Variants in AIF1L observed in about 807,000 individuals in gnomAD.
AIF1L encodes the protein allograft inflammatory factor 1-like.
AIF1L carries 12 observed loss-of-function variants against 20.7 expected under a neutral mutation model. That is an observed-to-expected ratio of 0.58 (90% CI 0.37 to 0.94). AIF1L has a LOEUF of 0.94. AIF1L is among the 40% of genes least tolerant of loss of function. The pLI, the probability that AIF1L is intolerant of heterozygous loss-of-function variation, is 0.01. For missense variants in AIF1L, 173 were observed against 185.3 expected, an observed-to-expected ratio of 0.93 and a Z score of 0.39; for synonymous variants, 76 against 65.1, an observed-to-expected ratio of 1.17 and a Z score of -0.81.
chr9:131,104,272 G>A (rs941910682), intron 2 of AIF1L, among the ~76,000 whole-genome samples: 34 of 152,288 alleles, frequency 2.2e-4, no homozygotes, highest in African/African-American at 6.0e-4. Context: ...TCTACTTTCT[G>A]CAGCCGGGAA....
chr9:131,098,352 C>G (rs1830568448), intron 2 of AIF1L: 1 of 152,498 alleles, frequency 6.6e-6, no homozygotes, highest in Admixed American at 6.6e-5. Context: ...CTGGGGTGCT[C>G]AGGGGTCTCG....
chr9:131,104,867 C>T (rs1830710789), intron 2 of AIF1L, among the ~76,000 whole-genome samples: 1 of 148,204 alleles, frequency 6.7e-6, no homozygotes, highest in East Asian at 2.0e-4. Context: ...CACTGCACTC[C>T]AGCCTGGGCA....
chr9:131,117,677 C>G (rs1019808887), intron 4 of AIF1L, 79 bp from the exon 5 acceptor site: 1 of 1,468,914 alleles, frequency 6.8e-7, no homozygotes, highest in Non-Finnish European at 9.1e-7. Context: ...CGTGGGGTGC[C>G]TGAGTGGAGC....
In AIF1L at chr9:131,121,953, T is replaced by C. The variant is rs935358082; in HGVS notation, c.*1631T>C. ...GACTGAGACAGTTATTCACTGAACA[T>C]ATTTATTAAGCACTTGCTGTAGGCC... On this transcript the variant is annotated 3_prime_UTR_variant, in exon 6 of 6. Coordinates refer to ENST00000247291, the MANE Select transcript of AIF1L (RefSeq NM_031426.4). 6.6e-6 allele frequency: 1 copy of C among 152,258 alleles called. No individual in the cohort carries two copies. The highest frequency in any genetic ancestry group is 6.5e-5 in the Admixed American group (1 of 15,288). 9.4% of individuals were successfully genotyped at this position (152,258 alleles called of 1,614,324 possible).
At chr9:131,102,554 G>C (rs1256875313) in intron 2 of AIF1L, among the ~76,000 whole-genome samples, 1 of 152,218 alleles carries the variant, frequency 6.6e-6, no homozygotes, top group African/African-American at 2.4e-5. Flanking sequence ...TATGACCTTG[G>C]TGTGGCCGTG....
At chr9:131,104,331 A>C (rs902280499) in intron 2 of AIF1L, among the ~76,000 whole-genome samples, 3 of 152,156 alleles carry the variant, frequency 2.0e-5, no homozygotes, top group Admixed American at 2.0e-4. Flanking sequence ...AGGATAGGGG[A>C]TAGAATAAAC....
chr9:131,118,606 A>G (rs1273784823), intron 5 of AIF1L, among the ~76,000 whole-genome samples: 3 of 146,048 alleles, frequency 2.1e-5, no homozygotes, highest in Non-Finnish European at 4.5e-5. Context: ...GAGTGCAGTG[A>G]CATGATCTCA....
chr9:131,117,628 T>C, intron 4 of AIF1L, 128 bp from the exon 5 acceptor site: 1 of 964,758 alleles, frequency 1.0e-6, no homozygotes, highest in Non-Finnish European at 1.5e-6. Flanking sequence ...GATGGGCTCC[T>C]CCTCCCTAGA....
intron 5 of AIF1L, among the ~76,000 whole-genome samples, chr9:131,120,016 C>T (rs1831101901): frequency 6.6e-6 from 1 of 152,138 alleles, no homozygotes; most frequent in African/African-American, 2.4e-5. Context: ...GGAGTCATAT[C>T]ACCACTTTGC....
In AIF1L at chr9:131,110,678, A is replaced by G. The variant is rs192328348; in HGVS notation, c.94-919A>G. On this transcript the variant is annotated intron_variant, in intron 2 of 5. Coordinates refer to ENST00000247291, the MANE Select transcript of AIF1L (RefSeq NM_031426.4). ...ACCTCTATGCCCAACTAATTTTTGT[A>G]TTTTTATAGAGACGGGGTTTCACTA... Among the ~76,000 whole-genome samples, 46 of 151,198 alleles carry G rather than the reference A, an allele frequency of 3.0e-4. No homozygotes were observed. The East Asian group carries it at 8.4e-3, about 27-fold the overall frequency.
chr9:131,103,685 T>A (rs977671437), intron 2 of AIF1L, among the ~76,000 whole-genome samples: 2 of 152,100 alleles, frequency 1.3e-5, no homozygotes, highest in Admixed American at 1.3e-4. Flanking sequence ...TTACAGCAAC[T>A]CAGTGAGGAG....
chr9:131,111,559 C>G (rs765755537), intron 2 of AIF1L, 38 bp from the exon 3 acceptor site: 3 of 1,596,688 alleles, frequency 1.9e-6, no homozygotes, highest in East Asian at 4.5e-5. Context: ...ACTTCTGTCC[C>G]CAGTCCCTTG....
intron 2 of AIF1L, among the ~76,000 whole-genome samples, chr9:131,110,973 C>G (rs914914937): frequency 4.6e-5 from 7 of 151,022 alleles, no homozygotes; most frequent in African/African-American, 1.7e-4. Context: ...GTCAGGAGTT[C>G]GAGACCAGCC....
In AIF1L at chr9:131,100,903, T is replaced by A. The variant is rs946851886; in HGVS notation, c.93+4040T>A. Among the ~76,000 whole-genome samples the A allele has an allele frequency of 2.2e-4, 34 of 152,138 alleles. 1 individual carries two copies. The highest frequency in any genetic ancestry group is 2.2e-3 in the Admixed American group (33 of 15,268). On this transcript the variant is annotated intron_variant, in intron 2 of 5. Coordinates refer to ENST00000247291, the MANE Select transcript of AIF1L (RefSeq NM_031426.4). ...GCTAGCAAGTGAGGTCTTTTTTCTT[T>A]CTTTCTTTTTTTGAGACGGCGTCTC...
chr9:131,099,500 C>T (rs1830593572), intron 2 of AIF1L, among the ~76,000 whole-genome samples: 1 of 152,304 alleles, frequency 6.6e-6, no homozygotes, highest in East Asian at 1.9e-4. Flanking sequence ...GCTTCACTGC[C>T]CCACTGGAGT....
Position 131,121,169 on chromosome 9 carries a change from C to A in AIF1L, c.*847C>A. 1 of 708,318 alleles carries A rather than the reference C, an allele frequency of 1.4e-6. No individual in the cohort carries two copies. The highest frequency in any genetic ancestry group is 2.6e-6 in the Non-Finnish European group (1 of 380,440). The allele number at this position is 708,318 out of a possible 1,614,324, so 43.9% of individuals were successfully genotyped here. The stretch of plus-strand genomic sequence containing the variant: ...AGGAGTAAAATGCTCACGGCAAAGT[C>A]AGCAGCACTGGTAAGCCAAGACTGA... On this transcript the variant is annotated 3_prime_UTR_variant, in exon 6 of 6. Transcript: ENST00000247291.
chr9:131,108,205 T>C (rs1247923411), intron 2 of AIF1L: 1 of 145,984 alleles, frequency 6.9e-6, no homozygotes, highest in Non-Finnish European at 1.5e-5. Context: ...TGAACCTTTT[T>C]TTTTTTTTTT....
intron 3 of AIF1L, 140 bp from the exon 4 acceptor site, chr9:131,114,437 C>G: frequency 2.3e-6 from 2 of 881,392 alleles, no homozygotes; most frequent in Admixed American, 3.7e-5. Context: ...ATGGGGGACT[C>G]AGGTCAAGAC....
chr9:131,102,402 G>T (rs1830659519), intron 2 of AIF1L, among the ~76,000 whole-genome samples: 1 of 152,172 alleles, frequency 6.6e-6, no homozygotes, highest in Non-Finnish European at 1.5e-5. Flanking sequence ...GTGCCACTCT[G>T]TCCCTGCCCA....
Sources: gnomAD v4.1 joint callset for allele counts (sites outside exome capture counted in the v4.1 genomes callset) on GRCh38, gnomAD v4.1.1 for gene constraint, MANE v1.5 for transcripts, NCBI Gene and HGNC (gene_info 2026-07-23, HGNC 2026-07-21) for gene names.